Variants in AGBL1 observed in about 807,000 individuals in gnomAD.
AGBL1 encodes cytosolic carboxypeptidase 4.
In AGBL1, 130 loss-of-function variants were observed where a neutral mutation model predicts 118.9. The ratio of observed to expected loss-of-function variants is 1.09; its 90% CI spans 0.95 to 1.26. The LOEUF (loss-of-function observed/expected upper bound fraction) is 1.26, where lower values mean the gene tolerates loss of function less well. AGBL1 is among the 50% of genes most tolerant of loss of function. The probability of loss-of-function intolerance (pLI) is 0.00; values close to 1 mark genes in which losing one functional copy is unlikely to be tolerated. For missense variants in AGBL1, 1,584 were observed against 1,298.1 expected (o/e 1.22, Z -3.38); for synonymous variants, 555 against 478.9 (o/e 1.16, Z -2.08).
intron 22 of AGBL1, among the ~76,000 whole-genome samples, chr15:86,857,276 G>A (rs187782872): frequency 6.6e-6 from 1 of 152,258 alleles, no homozygotes; most frequent in East Asian, 1.9e-4. Context: ...AACTGCAAAT[G>A]TGGTCATGTC....
chr15:86,586,363 TACTA>T (rs2084248003), intron 21 of AGBL1, among the ~76,000 whole-genome samples: 1 of 152,192 alleles, frequency 6.6e-6, no homozygotes, highest in African/African-American at 2.4e-5. Context: ...TATTAGAACT[TACTA>T]TGTGTTCTTA....
chr15:86,964,826 C>A (rs2081033171), intron 23 of AGBL1, among the ~76,000 whole-genome samples: 1 of 151,980 alleles, frequency 6.6e-6, no homozygotes, highest in African/African-American at 2.4e-5. Context: ...ATTGCCCTCC[C>A]TGTGTCCATG....
intron 24 of AGBL1, among the ~76,000 whole-genome samples, chr15:87,018,958 C>T (rs2081634638): frequency 6.6e-6 from 1 of 151,904 alleles, no homozygotes; most frequent in South Asian, 2.1e-4. Flanking sequence ...CAGAGAAAAG[C>T]AGGGATTGCA....
chr15:86,703,513 G>T (rs1458315296), intron 22 of AGBL1, among the ~76,000 whole-genome samples: 3 of 152,068 alleles, frequency 2.0e-5, no homozygotes, highest in Non-Finnish European at 4.4e-5. Context: ...GAAAAGCCTA[G>T]AACAGTGCGA....
At chr15:86,605,251 A>T (rs2084558841) in intron 21 of AGBL1, among the ~76,000 whole-genome samples, 1 of 152,178 alleles carries the variant, frequency 6.6e-6, no homozygotes, top group Non-Finnish European at 1.5e-5. Flanking sequence ...TTCTTAAAGG[A>T]ATATCCTTTT....
intron 21 of AGBL1, among the ~76,000 whole-genome samples, chr15:86,590,794 G>A (rs1369864199): frequency 2.0e-5 from 3 of 152,226 alleles, no homozygotes; most frequent in African/African-American, 7.2e-5. Context: ...AGGAAAGACA[G>A]CTTTGCAGAG....
chr15:86,604,248 A>G (rs1291677476), intron 21 of AGBL1, among the ~76,000 whole-genome samples: 3 of 152,182 alleles, frequency 2.0e-5, no homozygotes, highest in Non-Finnish European at 4.4e-5. Context: ...TTAGATGATA[A>G]TTAACATTCT....
chr15:86,487,495 C>T (rs1158743321), intron 18 of AGBL1, among the ~76,000 whole-genome samples: 1 of 151,858 alleles, frequency 6.6e-6, no homozygotes, highest in African/African-American at 2.4e-5. Flanking sequence ...ATATGGGTCT[C>T]ATAAAGATGC....
chr15:86,922,080 A>G (rs374187430), intron 23 of AGBL1, among the ~76,000 whole-genome samples: 14 of 152,308 alleles, frequency 9.2e-5, no homozygotes, highest in African/African-American at 2.9e-4. Context: ...TGGCTTATGT[A>G]GGAGGATGAA....
intron 17 of AGBL1, among the ~76,000 whole-genome samples, chr15:86,318,903 T>C (rs949476722): frequency 6.6e-6 from 1 of 152,120 alleles, no homozygotes; most frequent in African/African-American, 2.4e-5. Context: ...TGGCCATAGT[T>C]TATTTTTCTT....
At chr15:86,877,877 T>A (rs1240456035) in intron 22 of AGBL1, among the ~76,000 whole-genome samples, 1 of 152,306 alleles carries the variant, frequency 6.6e-6, no homozygotes, top group East Asian at 1.9e-4. Flanking sequence ...ACATTCTTCT[T>A]TCTCCCTAAG....
intron 21 of AGBL1, among the ~76,000 whole-genome samples, chr15:86,639,546 T>C (rs1318211999): frequency 1.3e-5 from 2 of 152,178 alleles, no homozygotes; most frequent in Non-Finnish European, 2.9e-5. Context: ...CTCCTCTGAA[T>C]TCCAGTTTTT....
In AGBL1 at chr15:86,843,008, A is replaced by G. The variant is rs146575784; in HGVS notation, c.3159-64079A>G. On this transcript the variant is annotated intron_variant, in intron 22 of 22. Transcript: ENST00000614907. ...CAAGGTGGGGTTTTAGGGCTCCTTCAAACAGGTCAGATATCATACTTTGGG... is the reference window on the plus strand; with the variant it reads ...CAAGGTGGGGTTTTAGGGCTCCTTCGAACAGGTCAGATATCATACTTTGGG... 3.0e-4 allele frequency among the ~76,000 whole-genome samples: 46 copies of G among 152,290 alleles called. No individual in the cohort carries two copies. In the Middle Eastern group the frequency reaches 0.01, roughly 34 times the overall value.
At chr15:86,247,017 A>G (rs2078731623) in intron 6 of AGBL1, among the ~76,000 whole-genome samples, 1 of 152,188 alleles carries the variant, frequency 6.6e-6, no homozygotes, top group Non-Finnish European at 1.5e-5. Flanking sequence ...AGAATAAGGT[A>G]CAGACTTTCA....
intron 22 of AGBL1, among the ~76,000 whole-genome samples, chr15:86,766,127 T>C (rs1388444612): frequency 1.3e-5 from 2 of 151,924 alleles, no homozygotes; most frequent in African/African-American, 4.8e-5. Context: ...TACAGTGGTG[T>C]CCCATTTTAC....
chr15:86,718,301 C>G (rs565160869), intron 22 of AGBL1, among the ~76,000 whole-genome samples: 26 of 152,166 alleles, frequency 1.7e-4, no homozygotes, highest in African/African-American at 6.0e-4. Flanking sequence ...GAAAACCAAA[C>G]ACTGCATGTT....
chr15:86,308,694 T>G (rs976203967), intron 17 of AGBL1, among the ~76,000 whole-genome samples: 1 of 152,236 alleles, frequency 6.6e-6, no homozygotes, highest in Non-Finnish European at 1.5e-5. Context: ...TTCCCCATTG[T>G]GTACTCTTGA....
At chr15:86,286,988 A>T (rs974750342) in intron 16 of AGBL1, among the ~76,000 whole-genome samples, 8 of 152,082 alleles carry the variant, frequency 5.3e-5, no homozygotes, top group Admixed American at 5.2e-4. Context: ...AATGGTGTTC[A>T]GGGTTCCAGA....
chr15:86,163,978 G>A (rs919690572), intron 5 of AGBL1, among the ~76,000 whole-genome samples: 10 of 152,210 alleles, frequency 6.6e-5, no homozygotes, highest in African/African-American at 2.2e-4. Context: ...ATTGCATGAG[G>A]GAATGAGGTG....
Sources: allele counts gnomAD v4.1 joint callset (sites outside exome capture counted in the v4.1 genomes callset), GRCh38; gene constraint gnomAD v4.1.1; transcripts MANE v1.5; gene names NCBI Gene and HGNC (gene_info 2026-07-23, HGNC 2026-07-21).